The following THRB variants were observed in gnomAD, a reference collection of about 807,000 sequenced individuals.
THRB encodes nuclear receptor subfamily 1 group A member 2.
THRB carries 12 observed loss-of-function variants against 47.8 expected under a neutral mutation model. The ratio of observed to expected loss-of-function variants is 0.25; its 90% CI spans 0.16 to 0.41. The LOEUF (loss-of-function observed/expected upper bound fraction) is 0.41. Among genes scored for constraint, THRB ranks in the 10% least tolerant of loss-of-function variants. The pLI is 1.00. For synonymous variants in THRB, 218 were observed against 212.2 expected (o/e 1.03, Z -0.24); for missense variants, 348 against 589.2 (o/e 0.59, Z 4.24).
chr3:24,490,210 A>T (rs1697931761), intron 1 of THRB, among the ~76,000 whole-genome samples: 1 of 152,240 alleles, frequency 6.6e-6, no homozygotes, highest in African/African-American at 2.4e-5. Flanking sequence ...ATATTTGTAG[A>T]CTGAATGAGG....
chr3:24,429,612 C>T (rs2070154428), intron 1 of THRB, among the ~76,000 whole-genome samples: 1 of 152,022 alleles, frequency 6.6e-6, no homozygotes, highest in African/African-American at 2.4e-5. Flanking sequence ...AGATAGTTGA[C>T]ATAATCATGT....
chr3:24,125,810 C>A (rs1197468663), intron 10 of THRB, among the ~76,000 whole-genome samples: 1 of 152,090 alleles, frequency 6.6e-6, no homozygotes, highest in Non-Finnish European at 1.5e-5. Context: ...AATGTAATCA[C>A]AAGGGGTGAC....
chr3:24,422,717 C>T (rs886113797), intron 1 of THRB, among the ~76,000 whole-genome samples: 24 of 151,882 alleles, frequency 1.6e-4, no homozygotes, highest in African/African-American at 5.3e-4. Flanking sequence ...GGTGGTTCTA[C>T]TCTGGAAAGT....
intron 4 of THRB, among the ~76,000 whole-genome samples, chr3:24,197,965 C>T (rs2044148925): frequency 6.6e-6 from 1 of 152,206 alleles, no homozygotes; most frequent in Non-Finnish European, 1.5e-5. Context: ...GGCCATCTTT[C>T]TAAGACCTCT....
intron 1 of THRB, among the ~76,000 whole-genome samples, chr3:24,384,561 T>A (rs1040090102): frequency 6.6e-6 from 1 of 152,054 alleles, no homozygotes; most frequent in Admixed American, 6.6e-5. Context: ...AGGACAGACA[T>A]CCATAAAATC....
chr3:24,174,000 A>C (rs2040796189), intron 5 of THRB, among the ~76,000 whole-genome samples: 1 of 152,220 alleles, frequency 6.6e-6, no homozygotes, highest in Non-Finnish European at 1.5e-5. Flanking sequence ...GTCCTACAGC[A>C]GCTATGACTG....
At chr3:24,392,075 G>A (rs1463699276) in intron 1 of THRB, among the ~76,000 whole-genome samples, 2 of 152,088 alleles carry the variant, frequency 1.3e-5, no homozygotes, top group Admixed American at 1.3e-4. Context: ...GCACTTTTAT[G>A]TGCATCTTTT....
chr3:24,402,524 C>T (rs1353032800), intron 1 of THRB, among the ~76,000 whole-genome samples: 2 of 125,488 alleles, frequency 1.6e-5, no homozygotes, highest in Admixed American at 8.6e-5. Context: ...TTGGTAACAA[C>T]ATATTTCCTC....
chr3:24,316,728 T>C (rs1403427602), intron 2 of THRB, among the ~76,000 whole-genome samples: 3 of 152,134 alleles, frequency 2.0e-5, no homozygotes, highest in African/African-American at 7.2e-5. Context: ...CAGCTTCACA[T>C]ACAAGACCCC....
At chr3:24,325,346 A>T (rs1261011351) in intron 2 of THRB, among the ~76,000 whole-genome samples, 1 of 152,066 alleles carries the variant, frequency 6.6e-6, no homozygotes, top group East Asian at 1.9e-4. Flanking sequence ...AACAGCACTG[A>T]AAGAAAGTAA....
At position 24,122,932 on chromosome 3, in the gene THRB, G is replaced by A; in HGVS notation, c.1338C>T (p.Cys446=). 1 of 1,614,174 alleles carries A rather than the reference G, an allele frequency of 6.2e-7. No individual in the cohort carries two copies. The highest frequency in any genetic ancestry group is 8.5e-7 in the Non-Finnish European group (1 of 1,180,018). ...ACAAAGGGGGGAAGAGTTCTGTGGG[G>A]CATTCCACCTTCATGTGCAGGAAGC... is the stretch of plus-strand genomic sequence containing the variant. ...ASRFLHMKVE[C]PTELFPPLFL... The change falls in exon 11 of 11, where the codon TGC becomes TGT. Residue 446 remains cysteine (C), a synonymous_variant. Transcript: ENST00000646209.
chr3:24,241,920 C>T lies in THRB; in HGVS notation c.-42-12919G>A, dbSNP rs527632464. Among the ~76,000 whole-genome samples the T allele has an allele frequency of 7.2e-5, 11 of 152,208 alleles. No homozygotes were observed. The Middle Eastern group carries it at 0.01, about 141-fold the overall frequency. ...AGTATTGGTGCACTCCCCTGCCCAT[C>T]GCCACAAATTAGAAGGTCTTCAAAA... On this transcript the variant is annotated intron_variant, in intron 3 of 10. Transcript: ENST00000646209.
chr3:24,392,736 T>C (rs901147861), intron 1 of THRB, among the ~76,000 whole-genome samples: 1 of 152,170 alleles, frequency 6.6e-6, no homozygotes, highest in Non-Finnish European at 1.5e-5. Context: ...TACATAGTTA[T>C]AGTTATATGA....
At chr3:24,454,408 A>C (rs527390593) in intron 1 of THRB, among the ~76,000 whole-genome samples, 1 of 152,282 alleles carries the variant, frequency 6.6e-6, no homozygotes, top group South Asian at 2.1e-4. Flanking sequence ...TTTTGAGGGG[A>C]GTGACAAAAA....
intron 4 of THRB, among the ~76,000 whole-genome samples, chr3:24,203,149 A>G (rs999924536): frequency 6.6e-6 from 1 of 152,244 alleles, no homozygotes; most frequent in African/African-American, 2.4e-5. Flanking sequence ...GCAGTGGCTC[A>G]TGCCTGGAAT....
intron 1 of THRB, among the ~76,000 whole-genome samples, chr3:24,476,337 T>C (rs1695444110): frequency 6.6e-6 from 1 of 152,198 alleles, no homozygotes. Flanking sequence ...CTGCTACAAA[T>C]GTACAAATTA....
Position 24,171,875 on chromosome 3 carries a change from TAATTC to T in THRB, c.283+18194_283+18198del, listed in dbSNP as rs143999584. ...CTCCCCTACCACTACTGTAATGGTG[TAATTC>T]TTAATAAATGAACACCATGGCTACT... On this transcript the variant is annotated intron_variant, in intron 5 of 10. Coordinates refer to ENST00000646209, the MANE Select transcript of THRB (RefSeq NM_001354712.2). Among the ~76,000 whole-genome samples the T allele has an allele frequency of 2.6e-3, 390 of 152,270 alleles. 1 individual carries two copies. The highest frequency in any genetic ancestry group is 9.1e-3 in the African/African-American group (380 of 41,556).
chr3:24,463,081 G>A (rs1049079790), intron 1 of THRB, among the ~76,000 whole-genome samples: 1 of 152,196 alleles, frequency 6.6e-6, no homozygotes, highest in African/African-American at 2.4e-5. Flanking sequence ...GATTTGCCCT[G>A]ATTAGTAAGA....
At chr3:24,420,681 A>T (rs1178468728) in intron 1 of THRB, among the ~76,000 whole-genome samples, 1 of 151,952 alleles carries the variant, frequency 6.6e-6, no homozygotes, top group East Asian at 1.9e-4. Flanking sequence ...AATGGCTATT[A>T]TTAAAAAGTC....
Sources: allele counts gnomAD v4.1 joint callset (sites outside exome capture counted in the v4.1 genomes callset), GRCh38; gene constraint gnomAD v4.1.1; transcripts MANE v1.5; gene names NCBI Gene and HGNC (gene_info 2026-07-23, HGNC 2026-07-21).